The following ZBED3 variants were observed in gnomAD, a reference collection of about 807,000 sequenced individuals.
ZBED3 encodes the protein zinc finger BED domain-containing protein 3.
For synonymous variants in ZBED3, 175 were observed against 180.0 expected (o/e 0.97, Z 0.22); for missense variants, 388 against 362.9 (o/e 1.07, Z -0.56).
chr5:77,084,576 C>T (rs915849777), intron 1 of ZBED3, among the ~76,000 whole-genome samples: 4 of 152,130 alleles, frequency 2.6e-5, no homozygotes, highest in Non-Finnish European at 5.9e-5. Context: ...TTATCAGCAG[C>T]GCGAAAACAG....
At position 77,077,160 on chromosome 5, in the gene ZBED3, A is replaced by G; in HGVS notation, c.*14T>C. On this transcript the variant is annotated 3_prime_UTR_variant, in exon 3 of 3. Coordinates refer to ENST00000255198, the MANE Select transcript of ZBED3 (RefSeq NM_032367.4). ...GGAGAAGCGCTGTCCTGGGGTGGGG[A>G]AGTGGCCACACCCCTACAGGAGGAC... 7.0e-7 allele frequency: 1 copy of G among 1,434,420 alleles called. No homozygotes were observed. Among genetic ancestry groups the G allele is most frequent in the Non-Finnish European group, 9.1e-7 (1 of 1,094,664 alleles). 88.9% of individuals were successfully genotyped at this position (1,434,420 alleles called of 1,614,324 possible).
At position 77,075,959 on chromosome 5, in the gene ZBED3, A is replaced by G. The variant is rs187464718; in HGVS notation, c.*1215T>C. The G allele has an allele frequency of 2.8e-4, 10 of 35,222 alleles. 2 individuals carry two copies. Among genetic ancestry groups the G allele is most frequent in the African/African-American group, 8.1e-4 (7 of 8,596 alleles). 2.2% of individuals were successfully genotyped at this position (35,222 alleles called of 1,614,324 possible). On this transcript the variant is annotated 3_prime_UTR_variant, in exon 3 of 3. Coordinates refer to ENST00000255198, the MANE Select transcript of ZBED3 (RefSeq NM_032367.4). ...ATTATATATACATATATATATATATATATATATGTATATGTATATATGTAT... is the reference window on the plus strand; with the variant it reads ...ATTATATATACATATATATATATATGTATATATGTATATGTATATATGTAT...
At chr5:77,084,320 T>C (rs895110679) in intron 1 of ZBED3, among the ~76,000 whole-genome samples, 7 of 152,202 alleles carry the variant, frequency 4.6e-5, no homozygotes, top group Admixed American at 6.5e-5. Context: ...TGAGAGATAA[T>C]TGAATCACGA....
At chr5:77,086,002 A>C (rs1184642066) in intron 1 of ZBED3, among the ~76,000 whole-genome samples, 5 of 152,258 alleles carry the variant, frequency 3.3e-5, no homozygotes, top group Non-Finnish European at 7.3e-5. Flanking sequence ...AAACTCTTAG[A>C]TATTTCTACC....
At position 77,080,412 on chromosome 5, in the gene ZBED3, G is replaced by A. The variant is rs146419644; in HGVS notation, c.-152-1684C>T. The A allele has an allele frequency of 1.3e-4, 58 of 456,674 alleles. No individual in the cohort carries two copies. In the East Asian group the frequency reaches 3.2e-3, roughly 25 times the overall value. 28.3% of individuals were successfully genotyped at this position (456,674 alleles called of 1,614,324 possible). A position where few individuals can be genotyped will look rare whatever the true frequency, so the allele number is the denominator to read the frequency against. Reference sequence around the variant, plus strand: ...TTTTGACCTAGTGGAAGCCTCACCTGAGCCAGGGACAGGCTGCATCACAAA... The same window carrying A: ...TTTTGACCTAGTGGAAGCCTCACCTAAGCCAGGGACAGGCTGCATCACAAA... On this transcript the variant is annotated intron_variant, in intron 1 of 2. Transcript: ENST00000255198.
Position 77,075,967 on chromosome 5 carries a change from G to GTATATATGTATATA in ZBED3, c.*1206_*1207insTATATACATATATA. 3.3e-5 allele frequency: 1 copy of GTATATATGTATATA among 30,640 alleles called. No individual in the cohort carries two copies. The highest frequency in any genetic ancestry group is 6.8e-5 in the Non-Finnish European group (1 of 14,750). 1.9% of individuals were successfully genotyped at this position (30,640 alleles called of 1,614,324 possible). A position where few individuals can be genotyped will look rare whatever the true frequency, so the allele number is the denominator to read the frequency against. ...TACATATATATATATATATATATAT[G>GTATATATGTATATA]TATATGTATATATGTATATATATAT... On this transcript the variant is annotated 3_prime_UTR_variant, in exon 3 of 3. Transcript: ENST00000255198.
chr5:77,073,089 ATTTTTTT>A lies in ZBED3; in HGVS notation c.*4078_*4084del, dbSNP rs1742913898. 6.9e-6 allele frequency: 1 copy of A among 144,992 alleles called. No individual in the cohort carries two copies. The highest frequency in any genetic ancestry group is 1.5e-5 in the Non-Finnish European group (1 of 66,812). 9.0% of individuals were successfully genotyped at this position (144,992 alleles called of 1,614,324 possible). On this transcript the variant is annotated 3_prime_UTR_variant, in exon 3 of 3. Transcript: ENST00000255198. ...GAGAGGAATGTTGTCTACAAACAAA[ATTTTTTT>A]ATCATAAAAGTAATTCATACTTTGT...
At position 77,073,938 on chromosome 5, in the gene ZBED3, A is replaced by G. The variant is rs1742928523; in HGVS notation, c.*3236T>C. 1 of 152,222 alleles carries G rather than the reference A, an allele frequency of 6.6e-6. No individual in the cohort carries two copies. The highest frequency in any genetic ancestry group is 2.4e-5 in the African/African-American group (1 of 41,446). The allele number at this position is 152,222 out of a possible 1,614,324, so 9.4% of individuals were successfully genotyped here. ...TGTCCTGAGGGTTGTGAGGCACAAA[A>G]TGCTAGGAGACTAGAGAAGTAAGAA... is the stretch of plus-strand genomic sequence containing the variant. On this transcript the variant is annotated 3_prime_UTR_variant, in exon 3 of 3. Transcript: ENST00000255198.
intron 1 of ZBED3, among the ~76,000 whole-genome samples, chr5:77,084,455 TGCCTTTC>T (rs1391250055): frequency 5.3e-5 from 8 of 152,162 alleles, no homozygotes; most frequent in East Asian, 1.9e-4. Context: ...AGGTAAGAAG[TGCCTTTC>T]GCCTTCCGCC....
intron 1 of ZBED3, among the ~76,000 whole-genome samples, chr5:77,083,721 T>C (rs1743177657): frequency 6.6e-6 from 1 of 152,196 alleles, no homozygotes; most frequent in Admixed American, 6.5e-5. Flanking sequence ...GTAAGTAGTC[T>C]AAGTTGGAGG....
At position 77,077,699 on chromosome 5, in the gene ZBED3, C is replaced by A; in HGVS notation, c.180G>T (p.Gly60=). 1 of 1,346,312 alleles carries A rather than the reference C, an allele frequency of 7.4e-7. No homozygotes were observed. Among genetic ancestry groups the A allele is most frequent in the South Asian group, 1.8e-5 (1 of 55,174 alleles). 83.4% of individuals were successfully genotyped at this position (1,346,312 alleles called of 1,614,324 possible). A position where few individuals can be genotyped will look rare whatever the true frequency, so the allele number is the denominator to read the frequency against. The change falls in exon 3 of 3, where the codon GGG becomes GGT. Residue 60 remains glycine, a synonymous_variant. Transcript: ENST00000255198. ...GYFHLAPGRP[G]HPSGHWATCR... is the part of the protein sequence containing the mutation. ...AGGTGGCCCAGTGGCCCGACGGATGCCCGGGGCGCCCCGGCGCCAGGTGGA... is the reference window on the plus strand; with the variant it reads ...AGGTGGCCCAGTGGCCCGACGGATGACCGGGGCGCCCCGGCGCCAGGTGGA...
In ZBED3 at chr5:77,074,785, G is replaced by GA. The variant is rs1742942184; in HGVS notation, c.*2388dup. On this transcript the variant is annotated 3_prime_UTR_variant, in exon 3 of 3. Transcript: ENST00000255198. ...CAGTGGGAGCATGGCATCTGTGGGG[G>GA]AGACTGTCTGCAGTGGGATCCCACC... The GA allele has an allele frequency of 2.0e-5, 3 of 152,374 alleles. No homozygotes were observed. In the East Asian group the frequency reaches 5.8e-4, roughly 29 times the overall value. The allele number at this position is 152,374 out of a possible 1,614,324, so 9.4% of individuals were successfully genotyped here. A position where few individuals can be genotyped will look rare whatever the true frequency, so the allele number is the denominator to read the frequency against.
chr5:77,078,696 C>T lies in ZBED3; in HGVS notation c.-120G>A, dbSNP rs1561298051. On this transcript the variant is annotated 5_prime_UTR_variant, in exon 2 of 3. In the 5' UTR this introduces an upstream ATG that the reference lacks. Coordinates refer to ENST00000255198, the MANE Select transcript of ZBED3 (RefSeq NM_032367.4). The stretch of plus-strand genomic sequence containing the variant: ...GTGGGTAGAAACAATGCATGCAACA[C>T]GATTCCTGAGTTCTGAAGAACCATC... The T allele has an allele frequency of 1.3e-5, 2 of 152,120 alleles. No individual in the cohort carries two copies. The highest frequency in any genetic ancestry group is 1.9e-4 in the East Asian group (1 of 5,192). The allele number at this position is 152,120 out of a possible 1,614,324, so 9.4% of individuals were successfully genotyped here.
Position 77,077,420 on chromosome 5 carries a change from GCGCCGCTCCAGCTCC to G in ZBED3, c.444_458del (p.Glu151_Leu155del). On this transcript the variant is annotated inframe_deletion, in exon 3 of 3. Transcript: ENST00000255198. ...GCTCGCCCTGCTCCACGGCCAGCTC[GCGCCGCTCCAGCTCC>G]CGCTCCCGCCGGCTGCCGCGCACGG... is the stretch of plus-strand genomic sequence containing the variant. 3 of 1,232,114 alleles carry G rather than the reference GCGCCGCTCCAGCTCC, an allele frequency of 2.4e-6. No individual in the cohort carries two copies. The highest frequency in any genetic ancestry group is 3.0e-6 in the Non-Finnish European group (3 of 985,096). The allele number at this position is 1,232,114 out of a possible 1,614,324, so 76.3% of individuals were successfully genotyped here.
Position 77,075,983 on chromosome 5 carries a change from A to ATGTATATATG in ZBED3, c.*1190_*1191insCATATATACA, listed in dbSNP as rs1742980195. On this transcript the variant is annotated 3_prime_UTR_variant, in exon 3 of 3. Transcript: ENST00000255198. Reference sequence around the variant, plus strand: ...TATATATATGTATATGTATATATGTATATATATATGTATATATGTATATAT... The same window carrying ATGTATATATG: ...TATATATATGTATATGTATATATGTATGTATATATGTATATATATGTATATATGTATATAT... 18 of 39,234 alleles carry ATGTATATATG rather than the reference A, an allele frequency of 4.6e-4. 4 individuals are homozygous for ATGTATATATG. The highest frequency in any genetic ancestry group is 7.7e-4 in the Non-Finnish European group (15 of 19,562). The allele number at this position is 39,234 out of a possible 1,614,324, so 2.4% of individuals were successfully genotyped here.
rs2150738625 is a variant in ZBED3, at chr5:77,072,846, T to C, written c.*4328A>G. 6.6e-6 allele frequency: 1 copy of C among 152,312 alleles called. No individual in the cohort carries two copies. The highest frequency in any genetic ancestry group is 1.9e-4 in the East Asian group (1 of 5,170). The allele number at this position is 152,312 out of a possible 1,614,324, so 9.4% of individuals were successfully genotyped here. A position where few individuals can be genotyped will look rare whatever the true frequency, so the allele number is the denominator to read the frequency against. On this transcript the variant is annotated 3_prime_UTR_variant, in exon 3 of 3. Transcript: ENST00000255198. ...CAGGAGCCCTTAAGGCCAAAGAGACTGAAATGCATTAAGTAGGCTGGAGTC... is the reference window on the plus strand; with the variant it reads ...CAGGAGCCCTTAAGGCCAAAGAGACCGAAATGCATTAAGTAGGCTGGAGTC...
rs1039274121 is a variant in ZBED3, at chr5:77,073,116, C to CTT, written c.*4056_*4057dup. On this transcript the variant is annotated 3_prime_UTR_variant, in exon 3 of 3. Coordinates refer to ENST00000255198, the MANE Select transcript of ZBED3 (RefSeq NM_032367.4). Reference sequence around the variant, plus strand: ...TTTTTTATCATAAAAGTAATTCATACTTTGTGTAAAAAATTACAACAATGC... The same window carrying CTT: ...TTTTTTATCATAAAAGTAATTCATACTTTTTGTGTAAAAAATTACAACAATGC... 2.8e-5 allele frequency: 4 copies of CTT among 141,144 alleles called. No homozygotes were observed. Among genetic ancestry groups the CTT allele is most frequent in the African/African-American group, 1.2e-4 (4 of 33,196 alleles). The allele number at this position is 141,144 out of a possible 1,614,324, so 8.7% of individuals were successfully genotyped here. A position where few individuals can be genotyped will look rare whatever the true frequency, so the allele number is the denominator to read the frequency against.
intron 1 of ZBED3, chr5:77,079,443 A>C (rs1309316331): frequency 6.6e-6 from 1 of 152,264 alleles, no homozygotes; most frequent in African/African-American, 2.4e-5. Context: ...CATTTAGTGT[A>C]AACTATGAAT....
At chr5:77,083,028 T>C (rs1743162012) in intron 1 of ZBED3, among the ~76,000 whole-genome samples, 1 of 152,058 alleles carries the variant, frequency 6.6e-6, no homozygotes, top group African/African-American at 2.4e-5. Flanking sequence ...TCCCAGCTAC[T>C]CGGGAGGCTG....
Sources: gnomAD v4.1 joint callset for allele counts (sites outside exome capture counted in the v4.1 genomes callset) on GRCh38, gnomAD v4.1.1 for gene constraint, MANE v1.5 for transcripts, NCBI Gene and HGNC (gene_info 2026-07-23, HGNC 2026-07-21) for gene names.